XIRP2: variants seen among roughly 807,000 people sequenced by gnomAD.
The protein encoded by XIRP2 is xin actin binding repeat containing 2.
In XIRP2, 236 loss-of-function variants were observed where a neutral mutation model predicts 277.0. The observed-to-expected ratio is 0.85, with a 90% CI of 0.77 to 0.95. The LOEUF (loss-of-function observed/expected upper bound fraction) is 0.95, where lower values mean the gene tolerates loss of function less well. Ranked by LOEUF, XIRP2 falls within the 40% of genes least tolerant of loss-of-function variation. The pLI, the probability that XIRP2 is intolerant of heterozygous loss-of-function variation, is 0.00. For synonymous variants in XIRP2, 1,490 were observed against 1,416.5 expected (o/e 1.05, Z -1.17); for missense variants, 4,640 against 4,157.5 (o/e 1.12, Z -3.19).
rs79010321 is a variant in XIRP2, at chr2:167,246,923, C to T, written c.5531C>T (p.Thr1844Ile). The T allele has an allele frequency of 1.8e-5, 29 of 1,613,190 alleles. No homozygotes were observed. The East Asian group carries it at 6.2e-4, about 35-fold the overall frequency. ...EEIIKGDLTS[T>I]LNSLSQAVNQ... The stretch of plus-strand genomic sequence containing the variant: ...ATTATAAAAGGTGATTTGACATCAA[C>T]CCTAAATTCCCTCAGCCAGGCTGTA... The change falls in exon 9 of 11, where the codon ACC (threonine) becomes ATC (isoleucine). Residue 1844 changes from threonine to isoleucine, a missense_variant. Coordinates refer to ENST00000409195, the MANE Select transcript of XIRP2 (RefSeq NM_152381.6).
chr2:167,121,471 C>T (rs1018745919), intron 2 of XIRP2, among the ~76,000 whole-genome samples: 5 of 151,996 alleles, frequency 3.3e-5, no homozygotes, highest in Non-Finnish European at 5.9e-5. Flanking sequence ...TTAAATGGCA[C>T]GTCAGTTTTA....
At position 167,127,420 on chromosome 2, in the gene XIRP2, C is replaced by G. The variant is rs116085605; in HGVS notation, c.409-8489C>G. Among the ~76,000 whole-genome samples the G allele has an allele frequency of 3.2e-3, 485 of 152,224 alleles. 4 individuals are homozygous for G. Among genetic ancestry groups the G allele is most frequent in the African/African-American group, 0.011 (462 of 41,536 alleles). ...AGTGTTTTGAGGAGGCACCTTTTTCCAGCTTACAGAAATGCTTCATGTGGA... is the reference window on the plus strand; with the variant it reads ...AGTGTTTTGAGGAGGCACCTTTTTCGAGCTTACAGAAATGCTTCATGTGGA... On this transcript the variant is annotated intron_variant, in intron 2 of 10. Transcript: ENST00000409195.
intron 2 of XIRP2, among the ~76,000 whole-genome samples, chr2:167,025,378 A>C (rs955664924): frequency 2.6e-5 from 4 of 151,688 alleles, no homozygotes; most frequent in Non-Finnish European, 4.4e-5. Flanking sequence ...GCGGTCTGTC[A>C]ATTTTGTTGA....
intron 2 of XIRP2, among the ~76,000 whole-genome samples, chr2:166,917,624 T>TAA (rs920487521): frequency 4.1e-5 from 6 of 145,770 alleles, no homozygotes; most frequent in African/African-American, 1.5e-4. Flanking sequence ...ATGACACTGT[T>TAA]AAAAAAAAAA....
chr2:167,161,189 G>A (rs948224422), intron 3 of XIRP2, among the ~76,000 whole-genome samples: 5 of 152,212 alleles, frequency 3.3e-5, no homozygotes, highest in East Asian at 1.9e-4. Context: ...TCACAGGCTG[G>A]TGTTGAGTGT....
intron 5 of XIRP2, among the ~76,000 whole-genome samples, chr2:167,225,909 T>C (rs1694584402): frequency 6.6e-6 from 1 of 152,172 alleles, no homozygotes; most frequent in South Asian, 2.1e-4. Flanking sequence ...TAAGATTAAC[T>C]TTTTAATGCT....
At chr2:166,947,406 G>T (rs1259041139) in intron 2 of XIRP2, among the ~76,000 whole-genome samples, 1 of 152,132 alleles carries the variant, frequency 6.6e-6, no homozygotes, top group Non-Finnish European at 1.5e-5. Flanking sequence ...ACTCATTCAA[G>T]TATTCCCTCA....
At chr2:167,231,150 G>A (rs938292317) in intron 5 of XIRP2, among the ~76,000 whole-genome samples, 6 of 151,952 alleles carry the variant, frequency 3.9e-5, no homozygotes, top group Non-Finnish European at 8.8e-5. Flanking sequence ...TTAGATCCAA[G>A]CCAGATCTGT....
chr2:166,971,582 A>G (rs1382464740), intron 2 of XIRP2, among the ~76,000 whole-genome samples: 2 of 152,034 alleles, frequency 1.3e-5, no homozygotes, highest in African/African-American at 4.8e-5. Flanking sequence ...TGCTAGGTAT[A>G]ATTAGTTCTT....
chr2:166,910,724 T>A (rs1272812079), intron 2 of XIRP2, among the ~76,000 whole-genome samples: 1 of 152,226 alleles, frequency 6.6e-6, no homozygotes, highest in Non-Finnish European at 1.5e-5. Context: ...ACTTTAGATT[T>A]TTCCTGCTTT....
At chr2:167,198,494 C>G (rs1295705357) in intron 3 of XIRP2, among the ~76,000 whole-genome samples, 1 of 152,122 alleles carries the variant, frequency 6.6e-6, no homozygotes, top group African/African-American at 2.4e-5. Context: ...AGGCCAATTA[C>G]CTTTTCACTT....
chr2:167,011,097 T>G (rs1687665444), intron 2 of XIRP2, among the ~76,000 whole-genome samples: 1 of 150,344 alleles, frequency 6.7e-6, no homozygotes. Context: ...GGCCAGAACT[T>G]CCAACACTAT....
chr2:167,230,896 T>C (rs757459962), intron 5 of XIRP2, among the ~76,000 whole-genome samples: 13 of 152,070 alleles, frequency 8.5e-5, no homozygotes, highest in Admixed American at 2.0e-4. Flanking sequence ...TTAAGACTTA[T>C]TTACGTGATT....
At chr2:167,007,699 TCTCTCACACACACACA>T (rs1367303469) in intron 2 of XIRP2, among the ~76,000 whole-genome samples, 1 of 123,320 alleles carries the variant, frequency 8.1e-6, no homozygotes, top group African/African-American at 3.6e-5. Context: ...TCTCTCTCTC[TCTCTCACACACACACA>T]CACACACACA....
chr2:166,944,293 T>C (rs541201390), intron 2 of XIRP2, among the ~76,000 whole-genome samples: 1 of 152,330 alleles, frequency 6.6e-6, no homozygotes, highest in Admixed American at 6.5e-5. Flanking sequence ...CAATTATGGT[T>C]TGTTATGTAT....
In XIRP2 at chr2:167,247,916, C is replaced by A; in HGVS notation, c.6524C>A (p.Thr2175Asn). The change falls in exon 9 of 11, where the codon ACT (threonine) becomes AAT (asparagine). Residue 2175 changes from threonine (T) to asparagine (N), a missense_variant. Thr to Asn is a moderately conservative substitution (Grantham distance 65). Coordinates refer to ENST00000409195, the MANE Select transcript of XIRP2 (RefSeq NM_152381.6). The part of the protein sequence containing the change: ...QHPVSMPVGG[T>N]YDLSGDFQKQ... Reference sequence around the variant, plus strand: ...CCAGTCAGCATGCCAGTTGGAGGAACTTACGACCTTTCAGGGGACTTTCAG... The same window carrying A: ...CCAGTCAGCATGCCAGTTGGAGGAAATTACGACCTTTCAGGGGACTTTCAG... 1.9e-6 allele frequency: 3 copies of A among 1,613,058 alleles called. No homozygotes were observed. The highest frequency in any genetic ancestry group is 2.5e-6 in the Non-Finnish European group (3 of 1,179,664).
At chr2:167,131,286 G>T (rs1203526719) in intron 2 of XIRP2, among the ~76,000 whole-genome samples, 3 of 152,064 alleles carry the variant, frequency 2.0e-5, no homozygotes, top group Non-Finnish European at 4.4e-5. Context: ...TTCACTGATT[G>T]TTATTGCTCT....
chr2:167,058,684 G>T (rs1179776883), intron 2 of XIRP2, among the ~76,000 whole-genome samples: 1 of 152,160 alleles, frequency 6.6e-6, no homozygotes, highest in Admixed American at 6.5e-5. Context: ...AAGGAGCATT[G>T]CAAGAGCACA....
At chr2:167,134,441 ATCTAC>A (rs1244057696) in intron 2 of XIRP2, among the ~76,000 whole-genome samples, 1 of 152,034 alleles carries the variant, frequency 6.6e-6, no homozygotes, top group Non-Finnish European at 1.5e-5. Context: ...TAGAAAATGT[ATCTAC>A]TCTAAGAATG....
Sources: allele counts gnomAD v4.1 joint callset (sites outside exome capture counted in the v4.1 genomes callset), GRCh38; gene constraint gnomAD v4.1.1; transcripts MANE v1.5; gene names NCBI Gene and HGNC (gene_info 2026-07-23, HGNC 2026-07-21).